The following SH3RF3 variants were observed in gnomAD, a reference collection of about 807,000 sequenced individuals.
The protein encoded by SH3RF3 is E3 ubiquitin-protein ligase SH3RF3.
Under a neutral mutation model 66.3 loss-of-function variants are expected in SH3RF3, and 29 were observed. The observed-to-expected ratio is 0.44, with a 90% CI of 0.33 to 0.60. The LOEUF (loss-of-function observed/expected upper bound fraction) is 0.60. Ranked by LOEUF, SH3RF3 falls within the 20% of genes least tolerant of loss-of-function variation. The pLI is 0.04. For missense variants in SH3RF3, 1,194 were observed against 1,190.9 expected, an observed-to-expected ratio of 1.00 and a Z score of -0.04; for synonymous variants, 583 against 532.0, an observed-to-expected ratio of 1.10 and a Z score of -1.32.
chr2:109,313,832 G>A (rs545859955), intron 1 of SH3RF3, among the ~76,000 whole-genome samples: 5 of 152,350 alleles, frequency 3.3e-5, no homozygotes, highest in African/African-American at 1.2e-4. Context: ...AGTGCATGTG[G>A]GGGAGAGGAG....
chr2:109,344,455 G>T (rs1428149416), intron 1 of SH3RF3, among the ~76,000 whole-genome samples: 2 of 152,186 alleles, frequency 1.3e-5, no homozygotes, highest in East Asian at 3.9e-4. Flanking sequence ...GCCGTGGCTG[G>T]GCAGGTATGC....
chr2:109,417,604 A>T (rs1343968382), intron 4 of SH3RF3, among the ~76,000 whole-genome samples: 2 of 152,066 alleles, frequency 1.3e-5, no homozygotes, highest in Non-Finnish European at 2.9e-5. Context: ...GATCCTTTGA[A>T]AATCAAAGGT....
chr2:109,129,803 C>T lies in SH3RF3; in HGVS notation c.263C>T (p.Ser88Leu). ...CRRCLESIVC[S>L]RHELRCPECR... is the part of the protein sequence containing the mutation. ...CGCTGCCTGGAGAGCATCGTGTGCT[C>T]GCGCCACGAGCTGCGCTGCCCCGAG... Residue 88 changes from serine to leucine, a missense_variant, in exon 1 of 10, where the codon TCG becomes TTG. Physicochemically the swap from Ser to Leu is moderately radical, Grantham distance 145. Transcript: ENST00000309415. 1 of 1,538,654 alleles carries T rather than the reference C, an allele frequency of 6.5e-7. No individual in the cohort carries two copies. Among genetic ancestry groups the T allele is most frequent in the Non-Finnish European group, 8.7e-7 (1 of 1,145,418 alleles).
At chr2:109,400,093 A>C (rs1449644372) in intron 4 of SH3RF3, among the ~76,000 whole-genome samples, 1 of 152,228 alleles carries the variant, frequency 6.6e-6, no homozygotes, top group Non-Finnish European at 1.5e-5. Context: ...CTTATTCAAA[A>C]TCACAATGAA....
chr2:109,430,303 A>C (rs145598432), intron 5 of SH3RF3, among the ~76,000 whole-genome samples: 2 of 152,200 alleles, frequency 1.3e-5, no homozygotes, highest in African/African-American at 4.8e-5. Context: ...TTTACACTCA[A>C]TTGTATTTCT....
At position 109,294,565 on chromosome 2, in the gene SH3RF3, A is replaced by C. The variant is rs551542444; in HGVS notation, c.574-53109A>C. Among the ~76,000 whole-genome samples, 4 of 144,460 alleles carry C rather than the reference A, an allele frequency of 2.8e-5. No individual in the cohort carries two copies. In the South Asian group the frequency reaches 9.0e-4, roughly 32 times the overall value. The allele number at this position is 144,460 out of a possible 152,430, so 94.8% of individuals were successfully genotyped here. ...GATAGAGGGAGACTCAGTCTCAAAA[A>C]AAAAAAATTAATTAAAAAAAAGGTA... On this transcript the variant is annotated intron_variant, in intron 1 of 9. Transcript: ENST00000309415.
At chr2:109,434,980 C>T (rs779235595) in intron 6 of SH3RF3, among the ~76,000 whole-genome samples, 11 of 152,166 alleles carry the variant, frequency 7.2e-5, no homozygotes, top group Admixed American at 2.6e-4. Context: ...TAGAGTGGCC[C>T]GGTCCCCTCC....
Position 109,411,186 on chromosome 2 carries a change from C to G in SH3RF3, c.1300-8353C>G, listed in dbSNP as rs1456264869. On this transcript the variant is annotated intron_variant, in intron 4 of 9. Transcript: ENST00000309415. The stretch of plus-strand genomic sequence containing the variant: ...ACTCTCAACCTCGTTATGAATACTT[C>G]AGGGGAGAGGCGCCATTGGTTGGGG... 7.2e-5 allele frequency among the ~76,000 whole-genome samples: 11 copies of G among 152,304 alleles called. No homozygotes were observed. In the East Asian group the frequency reaches 7.7e-4, roughly 11 times the overall value.
At chr2:109,496,853 A>G (rs544416049) in intron 9 of SH3RF3, among the ~76,000 whole-genome samples, 1 of 152,374 alleles carries the variant, frequency 6.6e-6, no homozygotes, top group South Asian at 2.1e-4. Context: ...ACCCGGGATT[A>G]TCCAGGTGGG....
intron 1 of SH3RF3, among the ~76,000 whole-genome samples, chr2:109,214,369 G>A (rs868399412): frequency 3.3e-5 from 5 of 151,976 alleles, no homozygotes; most frequent in Admixed American, 6.6e-5. Flanking sequence ...GCAGGAGGCC[G>A]GGGCCACGTG....
intron 1 of SH3RF3, among the ~76,000 whole-genome samples, chr2:109,251,945 A>G (rs897495613): frequency 1.3e-5 from 2 of 152,146 alleles, no homozygotes; most frequent in Admixed American, 6.5e-5. Flanking sequence ...CCCCAAATAA[A>G]ACAAGATAAA....
chr2:109,474,433 G>A (rs145399847), intron 8 of SH3RF3, among the ~76,000 whole-genome samples: 215 of 152,284 alleles, frequency 1.4e-3, no homozygotes, highest in Non-Finnish European at 2.2e-3. Context: ...TTCCACTGTG[G>A]ATGCAGCTCG....
chr2:109,336,329 C>T (rs989098000), intron 1 of SH3RF3, among the ~76,000 whole-genome samples: 16 of 152,142 alleles, frequency 1.1e-4, no homozygotes, highest in Admixed American at 1.0e-3. Context: ...GTTTACAAAG[C>T]CACATTAAAG....
intron 1 of SH3RF3, among the ~76,000 whole-genome samples, chr2:109,315,759 T>G (rs1020592788): frequency 6.6e-6 from 1 of 152,198 alleles, no homozygotes; most frequent in Non-Finnish European, 1.5e-5. Flanking sequence ...TTGTGACATT[T>G]AGAGTATTCA....
intron 1 of SH3RF3, among the ~76,000 whole-genome samples, chr2:109,268,005 C>T (rs572220856): frequency 7.2e-4 from 109 of 152,028 alleles, no homozygotes; most frequent in African/African-American, 2.3e-3. Flanking sequence ...GACATCCCCA[C>T]TAAGGGTCCT....
intron 5 of SH3RF3, among the ~76,000 whole-genome samples, chr2:109,430,041 G>A (rs1392427165): frequency 6.6e-6 from 1 of 152,198 alleles, no homozygotes; most frequent in Non-Finnish European, 1.5e-5. Context: ...GAGCAGGAGG[G>A]AGAGGAGTCC....
At chr2:109,379,949 T>C (rs1573205676) in intron 3 of SH3RF3, among the ~76,000 whole-genome samples, 1 of 152,318 alleles carries the variant, frequency 6.6e-6, no homozygotes, top group East Asian at 1.9e-4. Flanking sequence ...GAATAAGCAG[T>C]GGTCTTGCCT....
chr2:109,417,628 T>C (rs1676761202), intron 4 of SH3RF3, among the ~76,000 whole-genome samples: 1 of 152,144 alleles, frequency 6.6e-6, no homozygotes, highest in Non-Finnish European at 1.5e-5. Flanking sequence ...TCTCACAGTG[T>C]CTGCATTGCA....
At chr2:109,498,531 G>A (rs13401755) in intron 9 of SH3RF3, among the ~76,000 whole-genome samples, 42,123 of 152,148 alleles carry the variant, frequency 0.28, 6,156 homozygotes, top group African/African-American at 0.37. Context: ...TGAACACGTG[G>A]GGTGGGGAAG....
Sources: allele counts gnomAD v4.1 joint callset (sites outside exome capture counted in the v4.1 genomes callset), GRCh38; gene constraint gnomAD v4.1.1; transcripts MANE v1.5; gene names NCBI Gene and HGNC (gene_info 2026-07-23, HGNC 2026-07-21).